The following HSF2BP variants were observed in gnomAD, a reference collection of about 807,000 sequenced individuals.
The protein encoded by HSF2BP is heat shock factor 2-binding protein.
Under a neutral mutation model 35.0 loss-of-function variants are expected in HSF2BP, and 35 were observed. The ratio of observed to expected loss-of-function variants is 1.00; its 90% CI spans 0.76 to 1.32. The LOEUF (loss-of-function observed/expected upper bound fraction) is 1.32. HSF2BP is among the 40% of genes most tolerant of loss of function. The pLI is 0.00. For synonymous variants in HSF2BP, 114 were observed against 117.4 expected (o/e 0.97, Z 0.18); for missense variants, 326 against 321.7 (o/e 1.01, Z -0.10).
intron 4 of HSF2BP, among the ~76,000 whole-genome samples, chr21:43,638,142 T>G (rs2082589419): frequency 6.6e-6 from 1 of 152,032 alleles, no homozygotes; most frequent in Admixed American, 6.6e-5. Context: ...ATAAAAGAAC[T>G]CCTAGAAGTC....
chr21:43,600,140 ACAAG>A (rs992602146), intron 7 of HSF2BP, among the ~76,000 whole-genome samples: 3 of 152,240 alleles, frequency 2.0e-5, no homozygotes, highest in Non-Finnish European at 4.4e-5. Context: ...TCAGGGCTGA[ACAAG>A]CACAAGGTGT....
intron 6 of HSF2BP, among the ~76,000 whole-genome samples, chr21:43,627,107 A>G (rs7282933): frequency 0.68 from 103,866 of 152,026 alleles, 35,946 homozygotes; most frequent in East Asian, 0.79. Flanking sequence ...CTGACTTCAA[A>G]TGATCCACCC....
chr21:43,498,721 G>A, the HSF2BP span, among the ~76,000 whole-genome samples: 28 of 116,548 alleles, frequency 2.4e-4, 7 homozygotes, highest in African/African-American at 1.0e-3. Flanking sequence ...AGTCATCTCT[G>A]AGATGATCGG....
At chr21:43,654,096 G>C (rs2082833668) in intron 3 of HSF2BP, among the ~76,000 whole-genome samples, 1 of 151,854 alleles carries the variant, frequency 6.6e-6, no homozygotes. Context: ...CACAGATAAA[G>C]TCAGGTGCCA....
intron 5 of HSF2BP, among the ~76,000 whole-genome samples, chr21:43,632,816 G>T (rs187210843): frequency 5.3e-5 from 8 of 152,070 alleles, no homozygotes; most frequent in African/African-American, 1.9e-4. Context: ...GTGGCTTTTC[G>T]ACTGTGCAGG....
At chr21:43,598,474 G>C (rs779270182) in intron 7 of HSF2BP, among the ~76,000 whole-genome samples, 1 of 151,100 alleles carries the variant, frequency 6.6e-6, no homozygotes, top group African/African-American at 2.4e-5. Context: ...CACCTGCCTT[G>C]GCTTCCCAAA....
At position 43,630,393 on chromosome 21, in the gene HSF2BP, A is replaced by G; in HGVS notation, c.503T>C (p.Leu168Ser). ...GQTMESFVKS[L>S]DGDVQELDSD... ...ATCCAGCTCCTGGACATCACCGTCT[A>G]ACGACTTCACAAAACTCTCCATTGT... Residue 168 changes from leucine (L) to serine (S), a missense_variant, in exon 6 of 9, where the codon TTA becomes TCA. By Grantham distance (145) the Leu-to-Ser change is moderately radical. Coordinates refer to ENST00000291560, the MANE Select transcript of HSF2BP (RefSeq NM_007031.2). The G allele has an allele frequency of 6.2e-7, 1 of 1,613,824 alleles. No homozygotes were observed. The highest frequency in any genetic ancestry group is 1.1e-5 in the South Asian group (1 of 90,964).
At chr21:43,624,481 G>A (rs2082366513) in intron 6 of HSF2BP, among the ~76,000 whole-genome samples, 1 of 152,132 alleles carries the variant, frequency 6.6e-6, no homozygotes, top group African/African-American at 2.4e-5. Flanking sequence ...AGCCCCACCT[G>A]GCCTTTTCTG....
rs144776435 is a variant in HSF2BP at position 43,584,974 on chromosome 21, C to T, written c.796+7251G>A. Reference sequence around the variant, plus strand: ...CTCCCACTTTCACTTGACTTTCATGCTCTAGGTATAATTTTATTTAATTAT... The same window carrying T: ...CTCCCACTTTCACTTGACTTTCATGTTCTAGGTATAATTTTATTTAATTAT... On this transcript the variant is annotated intron_variant, in intron 8 of 8. Transcript: ENST00000291560. Among the ~76,000 whole-genome samples, 6 of 146,888 alleles carry T rather than the reference C, an allele frequency of 4.1e-5. No individual in the cohort carries two copies. In the East Asian group the frequency reaches 1.2e-3, roughly 28 times the overall value.
intron 4 of HSF2BP, among the ~76,000 whole-genome samples, chr21:43,635,604 C>CA (rs552251856): frequency 5.9e-4 from 87 of 147,454 alleles, no homozygotes; most frequent in Middle Eastern, 3.5e-3. Context: ...TATTCATATG[C>CA]AAAAAAAAAA....
chr21:43,645,232 A>ATG (rs2082693016), intron 3 of HSF2BP, among the ~76,000 whole-genome samples: 1 of 152,202 alleles, frequency 6.6e-6, no homozygotes, highest in Non-Finnish European at 1.5e-5. Context: ...AATGATTCTC[A>ATG]AACTTTAGCG....
chr21:43,642,932 G>C (rs536461758), intron 4 of HSF2BP, among the ~76,000 whole-genome samples: 10 of 151,016 alleles, frequency 6.6e-5, no homozygotes, highest in African/African-American at 1.7e-4. Flanking sequence ...GGCTGGTCTC[G>C]AACTCCTGAC....
At position 43,659,481 on chromosome 21, in the gene HSF2BP, C is replaced by G. The variant is rs1040367268; in HGVS notation, c.-320G>C. The G allele has an allele frequency of 1.5e-5, 7 of 473,568 alleles. No individual in the cohort carries two copies. The highest frequency in any genetic ancestry group is 1.2e-4 in the African/African-American group (6 of 48,102). The allele number at this position is 473,568 out of a possible 1,614,324, so 29.3% of individuals were successfully genotyped here. A position where few individuals can be genotyped will look rare whatever the true frequency, so the allele number is the denominator to read the frequency against. On this transcript the variant is annotated 5_prime_UTR_variant, in exon 1 of 9. Coordinates refer to ENST00000291560, the MANE Select transcript of HSF2BP (RefSeq NM_007031.2). The surrounding 1 kb of genome is among the most constrained non-coding windows in gnomAD (Gnocchi z 4.2). ...GCTCCGCCAGCTGCCAGGGCCACTG[C>G]CGCGCTCACTCCCAGAGCGCGCTGC... is the stretch of plus-strand genomic sequence containing the variant.
chr21:43,614,001 C>A, intron 6 of HSF2BP, 54 bp from the exon 7 acceptor site: 1 of 1,251,000 alleles, frequency 8.0e-7, no homozygotes, highest in Non-Finnish European at 1.2e-6. Flanking sequence ...AGAACCTAGA[C>A]AATTTTGTGC....
chr21:43,638,327 G>A (rs1568934179), intron 4 of HSF2BP, among the ~76,000 whole-genome samples: 1 of 151,958 alleles, frequency 6.6e-6, no homozygotes, highest in Non-Finnish European at 1.5e-5. Flanking sequence ...GCATGGTGGC[G>A]CACATCTGTA....
At chr21:43,638,582 A>C (rs938317782) in intron 4 of HSF2BP, among the ~76,000 whole-genome samples, 9 of 152,254 alleles carry the variant, frequency 5.9e-5, no homozygotes, top group Non-Finnish European at 1.0e-4. Flanking sequence ...TGTATGCTGA[A>C]AATAATTAGG....
chr21:43,501,191 G>A, the HSF2BP span, among the ~76,000 whole-genome samples: 1 of 106,496 alleles, frequency 9.4e-6, no homozygotes, highest in Non-Finnish European at 1.9e-5. Flanking sequence ...ATGGTTCAGT[G>A]TCCTGAGGTC....
chr21:43,647,759 T>C (rs1172129843), intron 3 of HSF2BP, among the ~76,000 whole-genome samples: 1 of 151,648 alleles, frequency 6.6e-6, no homozygotes, highest in Non-Finnish European at 1.5e-5. Flanking sequence ...CAAAACCCCA[T>C]CTCTACTAAA....
intron 7 of HSF2BP, among the ~76,000 whole-genome samples, chr21:43,603,660 C>CCTG (rs1193999681): frequency 6.6e-6 from 1 of 152,166 alleles, no homozygotes; most frequent in African/African-American, 2.4e-5. Flanking sequence ...ATCCAGTCAT[C>CCTG]CTGCTGGCAG....
Sources: gnomAD v4.1 joint callset for allele counts (sites outside exome capture counted in the v4.1 genomes callset) on GRCh38, gnomAD v4.1.1 for gene constraint, Gnocchi (gnomAD v3.1) non-coding constraint, MANE v1.5 for transcripts, NCBI Gene and HGNC (gene_info 2026-07-23, HGNC 2026-07-21) for gene names.